Variants in LRRTM4 observed in about 807,000 individuals in gnomAD.
LRRTM4 encodes the protein leucine rich repeat transmembrane neuronal 4.
In LRRTM4, 25 loss-of-function variants were observed where a neutral mutation model predicts 47.6. The ratio of observed to expected loss-of-function variants is 0.53; its 90% CI spans 0.38 to 0.73. LRRTM4 has a LOEUF of 0.73. Ranked by LOEUF, LRRTM4 falls within the 30% of genes least tolerant of loss-of-function variation. LRRTM4 has a pLI of 0.00. For synonymous variants in LRRTM4, 311 were observed against 269.5 expected, an observed-to-expected ratio of 1.15 and a Z score of -1.51; for missense variants, 638 against 713.4, an observed-to-expected ratio of 0.89 and a Z score of 1.20.
At chr2:76,768,145 T>A (rs1053277973) in intron 3 of LRRTM4, among the ~76,000 whole-genome samples, 26 of 152,214 alleles carry the variant, frequency 1.7e-4, no homozygotes, top group Non-Finnish European at 3.2e-4. Context: ...CAAAGTGATA[T>A]AATTTATGTA....
At position 77,518,778 on chromosome 2, in the gene LRRTM4, T is replaced by G. The variant is rs1459382537; in HGVS notation, c.1091A>C (p.Gln364Pro). ...VETYNICSEV[Q>P]VVNTERSHLV... ...GTGTGATCTTTCTGTGTTGACCACC[T>G]GGACTTCAGAACAGATATTATATGT... Residue 364 changes from glutamine (Q) to proline (P), a missense_variant, in exon 3 of 4, where the codon CAG becomes CCG. By Grantham distance (76) the Gln-to-Pro change is moderately conservative. Coordinates refer to ENST00000409884, the MANE Select transcript of LRRTM4 (RefSeq NM_001134745.3). The G allele has an allele frequency of 3.1e-6, 5 of 1,613,110 alleles. No homozygotes were observed. The highest frequency in any genetic ancestry group is 4.2e-6 in the Non-Finnish European group (5 of 1,179,540).
intron 3 of LRRTM4, among the ~76,000 whole-genome samples, chr2:77,111,624 C>A (rs1284774088): frequency 6.6e-6 from 1 of 152,082 alleles, no homozygotes; most frequent in South Asian, 2.1e-4. Context: ...TTAAGATTTC[C>A]TGTGTCCAGG....
At chr2:77,199,772 GCTT>G (rs1486736166) in intron 3 of LRRTM4, among the ~76,000 whole-genome samples, 4 of 152,086 alleles carry the variant, frequency 2.6e-5, no homozygotes, top group Admixed American at 6.6e-5. Flanking sequence ...TAAAAAGAAG[GCTT>G]CTTCATTATA....
intron 3 of LRRTM4, among the ~76,000 whole-genome samples, chr2:76,803,995 ATTGC>A (rs1675836335): frequency 6.6e-6 from 1 of 152,088 alleles, no homozygotes; most frequent in Non-Finnish European, 1.5e-5. Context: ...GTCACAACTC[ATTGC>A]TTGAGGAATT....
intron 3 of LRRTM4, among the ~76,000 whole-genome samples, chr2:76,823,683 TCAA>T (rs1036863397): frequency 6.6e-6 from 1 of 151,312 alleles, no homozygotes; most frequent in Non-Finnish European, 1.5e-5. Flanking sequence ...GTCAAGTTCT[TCAA>T]CAACAATAAA....
At chr2:77,017,247 T>C (rs1465952796) in intron 3 of LRRTM4, among the ~76,000 whole-genome samples, 1 of 152,172 alleles carries the variant, frequency 6.6e-6, no homozygotes, top group African/African-American at 2.4e-5. Flanking sequence ...TGTTCTACCA[T>C]CTTATCACTT....
At chr2:77,471,275 T>A (rs1389036485) in intron 3 of LRRTM4, among the ~76,000 whole-genome samples, 3 of 152,136 alleles carry the variant, frequency 2.0e-5, no homozygotes, top group African/African-American at 7.2e-5. Flanking sequence ...ACCTTATACA[T>A]CATCAGCAAA....
chr2:77,227,769 G>A (rs1382683742), intron 3 of LRRTM4, among the ~76,000 whole-genome samples: 1 of 152,010 alleles, frequency 6.6e-6, no homozygotes, highest in Non-Finnish European at 1.5e-5. Flanking sequence ...ATTATGTTGT[G>A]CAATAACTGT....
chr2:77,178,666 T>A (rs1035295909), intron 3 of LRRTM4, among the ~76,000 whole-genome samples: 1 of 152,192 alleles, frequency 6.6e-6, no homozygotes, highest in Non-Finnish European at 1.5e-5. Flanking sequence ...ATTCTTTTAA[T>A]GTGTGTAAAA....
chr2:77,412,066 G>T (rs1674463310), intron 3 of LRRTM4, among the ~76,000 whole-genome samples: 1 of 152,018 alleles, frequency 6.6e-6, no homozygotes, highest in African/African-American at 2.4e-5. Flanking sequence ...AGTTCTTTAA[G>T]AATGGACCAC....
chr2:77,004,843 T>G (rs764737180), intron 3 of LRRTM4, among the ~76,000 whole-genome samples: 3 of 152,164 alleles, frequency 2.0e-5, no homozygotes, highest in Non-Finnish European at 4.4e-5. Flanking sequence ...ATGACCTAGA[T>G]GTGAAACATG....
rs555353409 is a variant in LRRTM4 at position 77,485,405 on chromosome 2, C to T, written c.1551+32913G>A. ...ACAAAATAGGACACAAAATAATCTACATGTAAAGAAAACAATGAACAAAGA... is the reference window on the plus strand; with the variant it reads ...ACAAAATAGGACACAAAATAATCTATATGTAAAGAAAACAATGAACAAAGA... On this transcript the variant is annotated intron_variant, in intron 3 of 3. Transcript: ENST00000409884. 2.3e-4 allele frequency among the ~76,000 whole-genome samples: 35 copies of T among 152,104 alleles called. 2 individuals are homozygous for T. The South Asian group carries it at 7.3e-3, about 32-fold the overall frequency.
intron 3 of LRRTM4, among the ~76,000 whole-genome samples, chr2:77,013,858 T>C (rs1371375734): frequency 1.3e-5 from 2 of 152,082 alleles, no homozygotes; most frequent in African/African-American, 2.4e-5. Context: ...ACTGGGAGGG[T>C]CTGTTCTTTC....
intron 3 of LRRTM4, among the ~76,000 whole-genome samples, chr2:77,324,695 T>TAAGA (rs1670692427): frequency 6.6e-6 from 1 of 152,124 alleles, no homozygotes; most frequent in Non-Finnish European, 1.5e-5. Flanking sequence ...TTATACTACA[T>TAAGA]TTTGTTGGCC....
At chr2:77,285,598 C>T (rs978220837) in intron 3 of LRRTM4, among the ~76,000 whole-genome samples, 3 of 151,398 alleles carry the variant, frequency 2.0e-5, no homozygotes, top group African/African-American at 2.4e-5. Context: ...AAAAATTAGC[C>T]GGGCCTGCTG....
intron 3 of LRRTM4, among the ~76,000 whole-genome samples, chr2:77,296,661 A>G (rs1297288443): frequency 6.6e-6 from 1 of 152,176 alleles, no homozygotes; most frequent in Non-Finnish European, 1.5e-5. Context: ...TGTCAAAATA[A>G]CAACATCATC....
intron 3 of LRRTM4, among the ~76,000 whole-genome samples, chr2:77,021,949 A>G (rs1678291415): frequency 6.6e-6 from 1 of 152,156 alleles, no homozygotes; most frequent in Admixed American, 6.6e-5. Flanking sequence ...CTTATAACTG[A>G]AAGTATGTGC....
At chr2:77,069,529 G>C (rs961925936) in intron 3 of LRRTM4, among the ~76,000 whole-genome samples, 1 of 151,926 alleles carries the variant, frequency 6.6e-6, no homozygotes, top group African/African-American at 2.4e-5. Context: ...TCTTGTTCTG[G>C]ACTTTTAATT....
At chr2:77,491,057 T>A in intron 3 of LRRTM4, among the ~76,000 whole-genome samples, 1 of 149,140 alleles carries the variant, frequency 6.7e-6, no homozygotes, top group East Asian at 2.0e-4. Context: ...TGCAAAAGGA[T>A]GACAAAATAG....
Sources: gnomAD v4.1 joint callset for allele counts (sites outside exome capture counted in the v4.1 genomes callset) on GRCh38, gnomAD v4.1.1 for gene constraint, MANE v1.5 for transcripts, NCBI Gene and HGNC (gene_info 2026-07-23, HGNC 2026-07-21) for gene names.